Variants in EPB41L2 observed in about 807,000 individuals in gnomAD.
EPB41L2 encodes erythrocyte membrane protein band 4.1 like 2.
EPB41L2 carries 43 observed loss-of-function variants against 113.0 expected under a neutral mutation model. The ratio of observed to expected loss-of-function variants is 0.38; its 90% confidence interval spans 0.30 to 0.49. EPB41L2 has a LOEUF of 0.49. Ranked by LOEUF, EPB41L2 falls within the 20% of genes least tolerant of loss-of-function variation. The probability of loss-of-function intolerance (pLI) is 0.95; values close to 1 mark genes in which losing one functional copy is unlikely to be tolerated. For synonymous variants in EPB41L2, 442 were observed against 436.7 expected, an observed-to-expected ratio of 1.01 and a Z score of -0.15; for missense variants, 1,147 against 1,223.4, an observed-to-expected ratio of 0.94 and a Z score of 0.93.
intron 14 of EPB41L2, among the ~76,000 whole-genome samples, chr6:130,872,728 C>T (rs146069946): frequency 2.0e-5 from 3 of 152,306 alleles, no homozygotes; most frequent in African/African-American, 7.2e-5. Context: ...AGCTTTTCCA[C>T]CCTGCTTGAG....
intron 6 of EPB41L2, among the ~76,000 whole-genome samples, chr6:130,902,731 T>C (rs1796643209): frequency 6.6e-6 from 1 of 152,240 alleles, no homozygotes; most frequent in African/African-American, 2.4e-5. Flanking sequence ...TGCTTCCTTT[T>C]ATATTATTGT....
intron 3 of EPB41L2, among the ~76,000 whole-genome samples, chr6:130,934,247 A>T (rs1030142224): frequency 6.6e-6 from 1 of 152,198 alleles, no homozygotes; most frequent in Non-Finnish European, 1.5e-5. Context: ...AAACCCCAGG[A>T]AAAAGAAACC....
chr6:130,944,788 C>T (rs1257137788), intron 3 of EPB41L2, among the ~76,000 whole-genome samples: 2 of 152,012 alleles, frequency 1.3e-5, no homozygotes, highest in Non-Finnish European at 2.9e-5. Flanking sequence ...CAAAAGATAG[C>T]CTGAGGTTAT....
chr6:130,910,282 G>T (rs1219864087), intron 4 of EPB41L2, among the ~76,000 whole-genome samples: 1 of 152,150 alleles, frequency 6.6e-6, no homozygotes, highest in Non-Finnish European at 1.5e-5. Context: ...ATGAGGAAAG[G>T]ATTCCCTATT....
At chr6:131,003,584 T>C (rs1784825721) in intron 1 of EPB41L2, among the ~76,000 whole-genome samples, 2 of 152,152 alleles carry the variant, frequency 1.3e-5, no homozygotes, top group African/African-American at 2.4e-5. Context: ...TAAAATCCCT[T>C]TCTCCATCCC....
At chr6:130,847,481 T>C (rs187922992) in intron 19 of EPB41L2, among the ~76,000 whole-genome samples, 133 of 136,002 alleles carry the variant, frequency 9.8e-4, no homozygotes, top group African/African-American at 3.1e-3. Context: ...TATCAGGGAC[T>C]AATTTGTAAC....
At chr6:131,006,418 T>G (rs1249622822) in intron 1 of EPB41L2, among the ~76,000 whole-genome samples, 3 of 151,050 alleles carry the variant, frequency 2.0e-5, no homozygotes, top group Admixed American at 2.0e-4. Flanking sequence ...TCCCAACACT[T>G]TGGGAGGCCG....
chr6:131,031,320 T>C (rs1792109303), intron 1 of EPB41L2, among the ~76,000 whole-genome samples: 1 of 151,920 alleles, frequency 6.6e-6, no homozygotes, highest in South Asian at 2.1e-4. Context: ...AAAGCCATAA[T>C]AGAGTAAGCT....
At chr6:130,960,831 T>A (rs571831138) in intron 1 of EPB41L2, among the ~76,000 whole-genome samples, 2 of 152,278 alleles carry the variant, frequency 1.3e-5, no homozygotes, top group East Asian at 3.9e-4. Flanking sequence ...CTATCACCCA[T>A]GAAAATGAGA....
chr6:131,000,421 GA>G (rs141809491), intron 1 of EPB41L2, among the ~76,000 whole-genome samples: 7,426 of 152,174 alleles, frequency 0.049, 312 homozygotes, highest in African/African-American at 0.11. Context: ...CTTTTAGGAA[GA>G]AAAATACAAG....
chr6:131,048,234 T>C (rs966757668), intron 1 of EPB41L2, among the ~76,000 whole-genome samples: 7 of 151,580 alleles, frequency 4.6e-5, no homozygotes, highest in African/African-American at 1.7e-4. Flanking sequence ...AAAAAAATTA[T>C]ACAACATCAA....
chr6:131,053,925 G>A (rs898531682), intron 1 of EPB41L2, among the ~76,000 whole-genome samples: 3 of 152,198 alleles, frequency 2.0e-5, no homozygotes, highest in African/African-American at 4.8e-5. Flanking sequence ...ACAACGGGAG[G>A]CACAGGAAAC....
At chr6:130,855,329 C>T (rs774124683) in intron 19 of EPB41L2, among the ~76,000 whole-genome samples, 11 of 151,554 alleles carry the variant, frequency 7.3e-5, no homozygotes, top group African/African-American at 7.3e-5. Flanking sequence ...CCAGCCTGGG[C>T]GACAGAGCGA....
At chr6:130,927,219 A>G (rs1399153353) in intron 3 of EPB41L2, among the ~76,000 whole-genome samples, 1 of 152,162 alleles carries the variant, frequency 6.6e-6, no homozygotes, top group African/African-American at 2.4e-5. Flanking sequence ...CCTATTTACA[A>G]TTTCCTAGAA....
At chr6:131,060,813 T>C (rs977134088) in intron 1 of EPB41L2, among the ~76,000 whole-genome samples, 2 of 152,194 alleles carry the variant, frequency 1.3e-5, no homozygotes, top group African/African-American at 4.8e-5. Context: ...GTGGCCTCTC[T>C]TCAGATTCAT....
chr6:131,050,876 G>A (rs893615480), intron 1 of EPB41L2, among the ~76,000 whole-genome samples: 2 of 152,186 alleles, frequency 1.3e-5, no homozygotes, highest in Non-Finnish European at 2.9e-5. Flanking sequence ...TTACAGGCAT[G>A]AGCCATCGTG....
intron 8 of EPB41L2, among the ~76,000 whole-genome samples, chr6:130,897,535 T>C (rs931684683): frequency 1.9e-4 from 29 of 152,212 alleles, no homozygotes; most frequent in African/African-American, 7.0e-4. Context: ...ACATACAGCA[T>C]TGCCATTTAA....
At chr6:131,036,658 C>G (rs774053090) in intron 1 of EPB41L2, among the ~76,000 whole-genome samples, 8 of 152,244 alleles carry the variant, frequency 5.3e-5, no homozygotes, top group Non-Finnish European at 1.0e-4. Context: ...CATAAAATAA[C>G]TTTTATCTCC....
intron 19 of EPB41L2, among the ~76,000 whole-genome samples, chr6:130,843,366 A>T (rs866134860): frequency 6.1e-4 from 93 of 152,362 alleles, no homozygotes; most frequent in Middle Eastern, 6.8e-3. Context: ...TATTCCAACC[A>T]AACTGAAAAC....
Sources: gnomAD v4.1 joint callset for allele counts (sites outside exome capture counted in the v4.1 genomes callset) on GRCh38, gnomAD v4.1.1 for gene constraint, MANE v1.5 for transcripts, NCBI Gene and HGNC (gene_info 2026-07-23, HGNC 2026-07-21) for gene names.